RB1: variants seen among roughly 807,000 people sequenced by gnomAD.
RB1 encodes the protein RB transcriptional corepressor 1, also known as retinoblastoma-associated protein.
A neutral mutation model predicts 135.4 loss-of-function variants in RB1; 18 were observed. The observed-to-expected ratio is 0.13, with a 90% CI of 0.09 to 0.20. RB1 has a LOEUF of 0.20. Among genes scored for constraint, RB1 ranks in the 10% least tolerant of loss-of-function variants. The pLI, the probability that RB1 is intolerant of heterozygous loss-of-function variation, is 1.00. For missense variants in RB1, 868 were observed against 1,110.0 expected (o/e 0.78, Z 3.10); for synonymous variants, 365 against 373.2 (o/e 0.98, Z 0.25).
chr13:48,319,263 G>A lies in RB1; in HGVS notation c.264+11857G>A. 2.5e-6 allele frequency: 2 copies of A among 805,726 alleles called. No individual in the cohort carries two copies. The highest frequency in any genetic ancestry group is 1.6e-5 in the South Asian group (1 of 62,540). 49.9% of individuals were successfully genotyped at this position (805,726 alleles called of 1,614,324 possible). On this transcript the variant is annotated intron_variant, in intron 2 of 26. Transcript: ENST00000267163. This position sits in a 1 kb window ranked among gnomAD's most constrained non-coding sequence, Gnocchi z 5.0. The stretch of plus-strand genomic sequence containing the variant: ...CTCGCGCAAGGCACTTTTTTGTGGC[G>A]CTGCTTGTGCTGTGTGCGGGGTCAG...
intron 19 of RB1, among the ~76,000 whole-genome samples, chr13:48,458,123 G>GCTC (rs2138334000): frequency 6.6e-6 from 1 of 152,338 alleles, no homozygotes; most frequent in South Asian, 2.1e-4. Flanking sequence ...CTTGTCCCCG[G>GCTC]CTCCTCCGGG....
intron 6 of RB1, among the ~76,000 whole-genome samples, chr13:48,352,930 C>G (rs1952560543): frequency 6.6e-6 from 1 of 152,028 alleles, no homozygotes; most frequent in South Asian, 2.1e-4. Flanking sequence ...TTGTCTTGTG[C>G]CAGTTTTCAA....
intron 2 of RB1, chr13:48,340,996 T>C (rs1218535534): frequency 6.6e-6 from 1 of 152,090 alleles, no homozygotes; most frequent in Non-Finnish European, 1.5e-5. Flanking sequence ...ACAGACATAT[T>C]CACTCATATA....
At chr13:48,410,409 T>C (rs1248581391) in intron 17 of RB1, among the ~76,000 whole-genome samples, 1 of 152,182 alleles carries the variant, frequency 6.6e-6, no homozygotes, top group East Asian at 1.9e-4. Context: ...GTGTATACCT[T>C]CTAGAGTTGT....
chr13:48,399,337 A>G (rs1321126394), intron 17 of RB1, among the ~76,000 whole-genome samples: 1 of 152,050 alleles, frequency 6.6e-6, no homozygotes, highest in Non-Finnish European at 1.5e-5. Context: ...AGAAGGCAAT[A>G]TCTTAGGAAT....
At chr13:48,419,794 T>C (rs925639186) in intron 17 of RB1, among the ~76,000 whole-genome samples, 2 of 152,114 alleles carry the variant, frequency 1.3e-5, no homozygotes, top group African/African-American at 4.8e-5. Flanking sequence ...CTAGAAGAAA[T>C]GGATAAATTC....
intron 2 of RB1, chr13:48,318,288 A>C: frequency 9.1e-7 from 1 of 1,100,778 alleles, no homozygotes; most frequent in Non-Finnish European, 1.3e-6. Flanking sequence ...GAGCCCGCCC[A>C]GCTGCTCCAG....
At chr13:48,431,178 C>G (rs1949126039) in intron 17 of RB1, among the ~76,000 whole-genome samples, 1 of 152,084 alleles carries the variant, frequency 6.6e-6, no homozygotes, top group Admixed American at 6.5e-5. Flanking sequence ...GTGGGAGATG[C>G]ATCTAAACAA....
At chr13:48,402,997 AT>A (rs1256495578) in intron 17 of RB1, among the ~76,000 whole-genome samples, 2 of 152,140 alleles carry the variant, frequency 1.3e-5, no homozygotes, top group Non-Finnish European at 1.5e-5. Context: ...CCTTTTTTAT[AT>A]ATAAAACCTA....
intron 16 of RB1, 57 bp downstream of exon 16, chr13:48,380,298 G>A: frequency 7.6e-7 from 1 of 1,313,874 alleles, no homozygotes; most frequent in Non-Finnish European, 1.1e-6. Flanking sequence ...AAAATGTGGT[G>A]TGTTTCTTTG....
intron 23 of RB1, among the ~76,000 whole-genome samples, chr13:48,471,595 T>C (rs1352550131): frequency 7.7e-6 from 1 of 129,418 alleles, no homozygotes; most frequent in Non-Finnish European, 1.7e-5. Context: ...AAAGAAAATC[T>C]ATTTACTTGG....
chr13:48,316,875 C>A (rs1593419957), intron 2 of RB1: 1 of 328,282 alleles, frequency 3.0e-6, no homozygotes, highest in East Asian at 6.9e-5. Context: ...CACTGCTGAG[C>A]TGCCGCCACT....
At chr13:48,334,602 A>G (rs1020271239) in intron 2 of RB1, among the ~76,000 whole-genome samples, 1 of 152,182 alleles carries the variant, frequency 6.6e-6, no homozygotes, top group Non-Finnish European at 1.5e-5. Context: ...ATATTTCACA[A>G]AGTGCAAGCT....
chr13:48,465,885 C>T (rs1010168392), intron 23 of RB1, among the ~76,000 whole-genome samples: 2 of 149,952 alleles, frequency 1.3e-5, no homozygotes, highest in Non-Finnish European at 3.0e-5. Context: ...GACTATATCC[C>T]ACACCTGGCT....
rs2138131269 is a variant in RB1, at chr13:48,373,472, A to G, written c.1195A>G (p.Asn399Asp). ...LNSASDQPSE[N>D]LISYFNNCTV... ...TTCAGCAAGTGATCAACCTTCAGAA[A>G]ATCTGATTTCCTATTTTAACGTAAG... The change falls in exon 12 of 27, where the codon AAT (asparagine) becomes GAT (aspartate). Residue 399 changes from asparagine (N) to aspartate (D), a missense_variant. Asn to Asp is a conservative substitution (Grantham distance 23). Transcript: ENST00000267163. The G allele has an allele frequency of 6.3e-7, 1 of 1,585,544 alleles. No homozygotes were observed. Among genetic ancestry groups the G allele is most frequent in the Non-Finnish European group, 8.7e-7 (1 of 1,154,330 alleles).
intron 19 of RB1, 106 bp downstream of exon 19, chr13:48,456,455 A>T: frequency 7.0e-7 from 1 of 1,438,352 alleles, no homozygotes; most frequent in South Asian, 1.3e-5. Flanking sequence ...AAGTCACTTA[A>T]TATCTCTGTG....
chr13:48,465,801 G>T (rs1011495215), intron 23 of RB1, among the ~76,000 whole-genome samples: 3 of 150,840 alleles, frequency 2.0e-5, no homozygotes, highest in Non-Finnish European at 3.0e-5. Context: ...GGTGACGGAC[G>T]CACCTGGAAA....
At chr13:48,335,076 A>G (rs1234250524) in intron 2 of RB1, among the ~76,000 whole-genome samples, 1 of 152,142 alleles carries the variant, frequency 6.6e-6, no homozygotes, top group African/African-American at 2.4e-5. Flanking sequence ...GATAATCGTG[A>G]ACATTTTAAT....
intron 3 of RB1, among the ~76,000 whole-genome samples, chr13:48,343,819 T>C (rs1177261100): frequency 6.6e-6 from 1 of 152,234 alleles, no homozygotes; most frequent in East Asian, 1.9e-4. Context: ...TCTTCTATTC[T>C]TTGTCATTTC....
Sources: gnomAD v4.1 joint callset for allele counts (sites outside exome capture counted in the v4.1 genomes callset) on GRCh38, gnomAD v4.1.1 for gene constraint, Gnocchi (gnomAD v3.1) non-coding constraint, MANE v1.5 for transcripts, NCBI Gene and HGNC (gene_info 2026-07-23, HGNC 2026-07-21) for gene names.